NIPBL: variants seen among roughly 807,000 people sequenced by gnomAD.
NIPBL encodes the protein nipped-B-like protein.
In NIPBL, 19 loss-of-function variants were observed where a neutral mutation model predicts 321.8. That is an observed-to-expected ratio of 0.06 (90% CI 0.04 to 0.09). The LOEUF (loss-of-function observed/expected upper bound fraction) is 0.09, where lower values mean the gene tolerates loss of function less well. NIPBL is among the 10% of genes least tolerant of loss of function. The pLI is 1.00. For missense variants in NIPBL, 2,210 were observed against 3,327.0 expected, an observed-to-expected ratio of 0.66 and a Z score of 8.26; for synonymous variants, 1,106 against 1,114.1, an observed-to-expected ratio of 0.99 and a Z score of 0.14.
chr5:36,899,320 TAA>T (rs569837129), intron 1 of NIPBL, among the ~76,000 whole-genome samples: 38 of 152,326 alleles, frequency 2.5e-4, no homozygotes, highest in African/African-American at 8.4e-4. Flanking sequence ...GGTTTTGCAT[TAA>T]GTCTTGCCTG....
chr5:36,974,558 A>G (rs1561099541), intron 8 of NIPBL, among the ~76,000 whole-genome samples: 1 of 152,182 alleles, frequency 6.6e-6, no homozygotes, highest in Non-Finnish European at 1.5e-5. Context: ...AATTTTAAAG[A>G]TAATACTCAA....
intron 1 of NIPBL, among the ~76,000 whole-genome samples, chr5:36,929,015 A>T (rs1383473578): frequency 6.6e-6 from 1 of 151,978 alleles, no homozygotes; most frequent in African/African-American, 2.4e-5. Flanking sequence ...TTTATCTTGG[A>T]TACATTCCTA....
At chr5:36,902,785 T>A (rs1747332033) in intron 1 of NIPBL, among the ~76,000 whole-genome samples, 1 of 152,200 alleles carries the variant, frequency 6.6e-6, no homozygotes, top group Non-Finnish European at 1.5e-5. Flanking sequence ...TTTTGGTTTT[T>A]TTTCCTAATT....
intron 6 of NIPBL, among the ~76,000 whole-genome samples, chr5:36,966,480 T>C (rs964733813): frequency 5.3e-5 from 8 of 152,104 alleles, no homozygotes; most frequent in African/African-American, 1.7e-4. Flanking sequence ...TATCATAAAA[T>C]GGTCTCAGTA....
intron 8 of NIPBL, among the ~76,000 whole-genome samples, chr5:36,975,299 A>G (rs1743317640): frequency 6.6e-6 from 1 of 152,132 alleles, no homozygotes; most frequent in Admixed American, 6.6e-5. Context: ...AGTAGTATTC[A>G]TGTAAGATAG....
intron 32 of NIPBL, among the ~76,000 whole-genome samples, chr5:37,033,701 CACACAT>C (rs1409354894): frequency 3.2e-5 from 2 of 63,440 alleles, no homozygotes; most frequent in African/African-American, 7.1e-5. Flanking sequence ...CACACACACA[CACACAT>C]ATATATATAT....
chr5:36,963,868 T>C (rs1017416249), intron 6 of NIPBL, among the ~76,000 whole-genome samples: 1 of 152,138 alleles, frequency 6.6e-6, no homozygotes, highest in South Asian at 2.1e-4. Flanking sequence ...ATATGTAGAT[T>C]CTTAATATAT....
At chr5:36,942,432 T>TAAAAAA (rs33935189) in intron 1 of NIPBL, among the ~76,000 whole-genome samples, 11 of 59,790 alleles carry the variant, frequency 1.8e-4, no homozygotes, top group Non-Finnish European at 2.8e-4. Flanking sequence ...ACTCTGTCTT[T>TAAAAAA]AAAAAAAAAA....
intron 1 of NIPBL, among the ~76,000 whole-genome samples, chr5:36,917,937 T>C (rs990391816): frequency 6.6e-6 from 1 of 152,190 alleles, no homozygotes; most frequent in Non-Finnish European, 1.5e-5. Context: ...CCTTGTAGTA[T>C]AGTTTGAAGT....
At chr5:36,889,170 G>C (rs1580151258) in intron 1 of NIPBL, among the ~76,000 whole-genome samples, 1 of 152,224 alleles carries the variant, frequency 6.6e-6, no homozygotes, top group East Asian at 1.9e-4. Flanking sequence ...ATAGAGGAAA[G>C]AAAACATGAA....
At chr5:36,903,641 C>G (rs1747405620) in intron 1 of NIPBL, among the ~76,000 whole-genome samples, 1 of 152,088 alleles carries the variant, frequency 6.6e-6, no homozygotes, top group Admixed American at 6.5e-5. Context: ...TTCATATAAA[C>G]AAGCTAAAAA....
intron 1 of NIPBL, among the ~76,000 whole-genome samples, chr5:36,915,957 A>G (rs1426262584): frequency 2.6e-5 from 4 of 152,214 alleles, no homozygotes; most frequent in African/African-American, 7.2e-5. Context: ...AACACAGACT[A>G]AAAGGAAATA....
chr5:37,031,815 A>G (rs1248103464), intron 32 of NIPBL, among the ~76,000 whole-genome samples: 1 of 152,236 alleles, frequency 6.6e-6, no homozygotes, highest in Non-Finnish European at 1.5e-5. Context: ...ATAAATAATG[A>G]AAACATTGTG....
At chr5:37,011,666 T>C (rs1748141867) in intron 21 of NIPBL, among the ~76,000 whole-genome samples, 1 of 152,234 alleles carries the variant, frequency 6.6e-6, no homozygotes, top group African/African-American at 2.4e-5. Flanking sequence ...TTCCTAACCA[T>C]TGGTGACAAG....
chr5:36,932,338 C>T (rs938559876), intron 1 of NIPBL, among the ~76,000 whole-genome samples: 15 of 152,100 alleles, frequency 9.9e-5, no homozygotes, highest in Admixed American at 4.6e-4. Flanking sequence ...TCAGTTCTGT[C>T]GGTTTGTGCT....
chr5:37,064,431 C>G (rs1755181248), intron 46 of NIPBL, 96 bp from the exon 47 acceptor site: 7 of 1,575,586 alleles, frequency 4.4e-6, no homozygotes, highest in African/African-American at 1.3e-5. Flanking sequence ...AATCCCAACT[C>G]CCGGCGTCAA....
At chr5:37,040,828 C>CATTTTTTGT (rs1579540592) in intron 34 of NIPBL, among the ~76,000 whole-genome samples, 1 of 152,142 alleles carries the variant, frequency 6.6e-6, no homozygotes, top group East Asian at 1.9e-4. Context: ...CTGTATGTGA[C>CATTTTTTGT]AATCATTGTC....
intron 1 of NIPBL, among the ~76,000 whole-genome samples, chr5:36,879,813 T>C (rs769683934): frequency 2.6e-5 from 4 of 152,112 alleles, no homozygotes; most frequent in Non-Finnish European, 5.9e-5. Flanking sequence ...CTTTTGTTAC[T>C]TGAAAAGAGA....
intron 18 of NIPBL, 104 bp from the exon 19 acceptor site, chr5:37,007,904 T>C: frequency 2.6e-6 from 2 of 761,122 alleles, no homozygotes; most frequent in Non-Finnish European, 4.7e-6. Flanking sequence ...AAATGCTTTC[T>C]TAGTGTTTTC....
Sources: gnomAD v4.1 joint callset for allele counts (sites outside exome capture counted in the v4.1 genomes callset) on GRCh38, gnomAD v4.1.1 for gene constraint, MANE v1.5 for transcripts, NCBI Gene and HGNC (gene_info 2026-07-23, HGNC 2026-07-21) for gene names.